CACNA2D4: variants seen among roughly 807,000 people sequenced by gnomAD.
CACNA2D4 encodes the protein voltage-dependent calcium channel subunit alpha-2/delta-4.
In CACNA2D4, 157 loss-of-function variants were observed where a neutral mutation model predicts 163.8. The observed-to-expected ratio is 0.96, with a 90% CI of 0.84 to 1.09. CACNA2D4 has a LOEUF of 1.09. Among genes scored for constraint, CACNA2D4 ranks in the 50% least tolerant of loss-of-function variants. CACNA2D4 has a pLI of 0.00. For synonymous variants in CACNA2D4, 598 were observed against 586.9 expected, an observed-to-expected ratio of 1.02 and a Z score of -0.27; for missense variants, 1,410 against 1,479.9, an observed-to-expected ratio of 0.95 and a Z score of 0.78.
Position 1,795,304 on chromosome 12 carries a change from G to T in CACNA2D4, c.3304C>A (p.Pro1102Thr). The change falls in exon 37 of 38, where the codon CCA becomes ACA. Residue 1102 changes from proline to threonine, a missense_variant. Transcript: ENST00000382722. ...RRPDSCHAFH[P>T]EENAQDCGGA... ...CGATCCGCCTCAACCCGCACCTCTG[G>T]ATGGAAGGCGTGGCAGGAGTCTGGT... The T allele has an allele frequency of 6.2e-7, 1 of 1,613,194 alleles. No individual in the cohort carries two copies. The highest frequency in any genetic ancestry group is 8.5e-7 in the Non-Finnish European group (1 of 1,179,844).
At chr12:1,872,809 A>G (rs1865813149) in intron 18 of CACNA2D4, among the ~76,000 whole-genome samples, 1 of 152,134 alleles carries the variant, frequency 6.6e-6, no homozygotes, top group Non-Finnish European at 1.5e-5. Flanking sequence ...ATGAAGGAGG[A>G]CTGTGTGGTG....
chr12:1,896,311 G>A (rs982922009), intron 6 of CACNA2D4, among the ~76,000 whole-genome samples: 15 of 152,102 alleles, frequency 9.9e-5, no homozygotes, highest in African/African-American at 3.6e-4. Context: ...TGTTGAATGA[G>A]AGAATTATTT....
intron 19 of CACNA2D4, among the ~76,000 whole-genome samples, chr12:1,859,199 AT>A (rs1348960750): frequency 1.3e-5 from 2 of 151,980 alleles, no homozygotes; most frequent in Non-Finnish European, 2.9e-5. Flanking sequence ...TTTTTTTTTA[AT>A]CAAAAAATTA....
rs566870412 is a variant in CACNA2D4 at position 1,915,225 on chromosome 12, C to T, written c.228-290G>A. On this transcript the variant is annotated intron_variant, in intron 1 of 37. Transcript: ENST00000382722. ...TCCTCCTTGTCCCTAAAGCTACAGC[C>T]ATGGCCTGGGCAGGAGACGCGGAGA... 44 of 702,638 alleles carry T rather than the reference C, an allele frequency of 6.3e-5. 2 individuals are homozygous for T. The South Asian group carries it at 6.5e-4, about 10-fold the overall frequency. The allele number at this position is 702,638 out of a possible 1,614,324, so 43.5% of individuals were successfully genotyped here.
chr12:1,911,647 C>T (rs1037902081), intron 3 of CACNA2D4, among the ~76,000 whole-genome samples: 4 of 152,160 alleles, frequency 2.6e-5, no homozygotes, highest in African/African-American at 7.2e-5. Flanking sequence ...GCGCAGGGAC[C>T]GGTCCTCAGA....
chr12:1,895,599 A>G (rs1414375855), intron 6 of CACNA2D4, among the ~76,000 whole-genome samples: 3 of 152,214 alleles, frequency 2.0e-5, no homozygotes, highest in African/African-American at 7.2e-5. Flanking sequence ...CCATATATTT[A>G]GAGCCAGCTA....
At chr12:1,906,042 T>C (rs1026545097) in intron 6 of CACNA2D4, among the ~76,000 whole-genome samples, 1 of 152,206 alleles carries the variant, frequency 6.6e-6, no homozygotes, top group African/African-American at 2.4e-5. Flanking sequence ...TATGATTAAA[T>C]GATTTTTGAC....
intron 4 of CACNA2D4, among the ~76,000 whole-genome samples, chr12:1,909,255 G>C (rs1435383161): frequency 2.0e-5 from 3 of 152,180 alleles, no homozygotes; most frequent in Non-Finnish European, 4.4e-5. Context: ...GCAGTGGCGC[G>C]ATCTCGGCTC....
intron 6 of CACNA2D4, among the ~76,000 whole-genome samples, chr12:1,907,107 G>C (rs1187785140): frequency 1.3e-5 from 2 of 152,188 alleles, no homozygotes; most frequent in African/African-American, 2.4e-5. Flanking sequence ...TTTCCAATTG[G>C]GACATAAAGT....
At chr12:1,830,967 G>A in intron 26 of CACNA2D4, 2 of 1,612,710 alleles carry the variant, frequency 1.2e-6, no homozygotes, top group Non-Finnish European at 1.7e-6. Context: ...GTATGCTGTG[G>A]AGGCCCTCCC....
intron 18 of CACNA2D4, among the ~76,000 whole-genome samples, chr12:1,873,195 T>C (rs772457206): frequency 1.6e-4 from 24 of 152,186 alleles, no homozygotes; most frequent in Non-Finnish European, 3.2e-4. Flanking sequence ...CTAATAGTAG[T>C]AAGACATGAA....
intron 18 of CACNA2D4, 113 bp from the exon 19 acceptor site, chr12:1,860,319 T>C (rs994186537): frequency 2.7e-5 from 20 of 745,060 alleles, no homozygotes; most frequent in Admixed American, 4.1e-5. Context: ...CCCTCCGCCT[T>C]CTTGTCTCCT....
In CACNA2D4 at chr12:1,856,064, G is replaced by T. The variant is rs1865392105; in HGVS notation, c.2100C>A (p.Ser700Arg). 1.9e-6 allele frequency: 3 copies of T among 1,614,022 alleles called. No individual in the cohort carries two copies. Among genetic ancestry groups the T allele is most frequent in the Non-Finnish European group, 1.7e-6 (2 of 1,179,872 alleles). The change falls in exon 22 of 38, where the codon AGC (serine) becomes AGA (arginine). Residue 700 changes from serine to arginine, a missense_variant. Physicochemically the swap from Ser to Arg is moderately radical, Grantham distance 110 (BLOSUM62 -1). Transcript: ENST00000382722. The stretch of plus-strand genomic sequence containing the variant: ...GGAAGCGGATCATGGCCTCTAGCTG[G>T]CTGAGCTTCCGGTGGTCTGGGTCAA... ...TDIDPDHRKL[S>R]QLEAMIRFLT...
chr12:1,815,037 G>A (rs565190099), intron 26 of CACNA2D4, among the ~76,000 whole-genome samples: 2 of 152,282 alleles, frequency 1.3e-5, no homozygotes, highest in South Asian at 2.1e-4. Flanking sequence ...TTACAGGCGC[G>A]TGTGATACCA....
rs913547341 is a variant in CACNA2D4 at position 1,914,943 on chromosome 12, G to T, written c.228-8C>A. 1 of 1,605,708 alleles carries T rather than the reference G, an allele frequency of 6.2e-7. No individual in the cohort carries two copies. The highest frequency in any genetic ancestry group is 2.2e-5 in the East Asian group (1 of 44,846). ...TCAGCCCATAGCTTCACTCTGCCAG[G>T]CAATGAAAGGACACGCGTATACACA... On this transcript the variant is annotated splice_region_variant and splice_polypyrimidine_tract_variant and intron_variant, in intron 1 of 37. Transcript: ENST00000382722.
intron 18 of CACNA2D4, among the ~76,000 whole-genome samples, chr12:1,860,836 G>A (rs929975524): frequency 1.3e-5 from 2 of 152,218 alleles, no homozygotes; most frequent in Non-Finnish European, 1.5e-5. Flanking sequence ...GTATAAACTA[G>A]GGCATCATGT....
chr12:1,902,025 A>T (rs1866549908), intron 6 of CACNA2D4, among the ~76,000 whole-genome samples: 1 of 152,160 alleles, frequency 6.6e-6, no homozygotes. Flanking sequence ...ATCATGACTA[A>T]GAGGGATTTA....
Position 1,895,234 on chromosome 12 carries a change from T to C in CACNA2D4, c.782-8165A>G, listed in dbSNP as rs187450786. Reference sequence around the variant, plus strand: ...AACTGATGAAAAAAATTGAAGAGGATACAAATGAAAAGATTTTATGTTTAT... The same window carrying C: ...AACTGATGAAAAAAATTGAAGAGGACACAAATGAAAAGATTTTATGTTTAT... On this transcript the variant is annotated intron_variant, in intron 6 of 37. Coordinates refer to ENST00000382722, the MANE Select transcript of CACNA2D4 (RefSeq NM_172364.5). 6.5e-3 allele frequency among the ~76,000 whole-genome samples: 982 copies of C among 152,142 alleles called. 2 individuals are homozygous for C. Among genetic ancestry groups the C allele is most frequent in the Non-Finnish European group, 8.4e-3 (573 of 67,968 alleles).
chr12:1,887,705 T>G (rs76676513), intron 6 of CACNA2D4, among the ~76,000 whole-genome samples: 7,133 of 152,172 alleles, frequency 0.047, 428 homozygotes, highest in African/African-American at 0.14. Context: ...ATAAAAAAAT[T>G]TGTATAGATG....
Sources: gnomAD v4.1 joint callset for allele counts (sites outside exome capture counted in the v4.1 genomes callset) on GRCh38, gnomAD v4.1.1 for gene constraint, MANE v1.5 for transcripts, NCBI Gene and HGNC (gene_info 2026-07-23, HGNC 2026-07-21) for gene names.